B3GLCT: variants seen among roughly 807,000 people sequenced by gnomAD.
B3GLCT encodes beta 3-glucosyltransferase, also known as beta-1,3-glucosyltransferase.
Under a neutral mutation model 63.4 loss-of-function variants are expected in B3GLCT, and 65 were observed. That is an observed-to-expected ratio of 1.03 (90% CI 0.84 to 1.26). The LOEUF is 1.26. B3GLCT is among the 50% of genes most tolerant of loss of function. The pLI is 0.00. For synonymous variants in B3GLCT, 233 were observed against 219.2 expected, an observed-to-expected ratio of 1.06 and a Z score of -0.55; for missense variants, 577 against 604.8, an observed-to-expected ratio of 0.95 and a Z score of 0.48.
chr13:31,287,677 A>G (rs1873400959), intron 12 of B3GLCT, among the ~76,000 whole-genome samples: 1 of 152,140 alleles, frequency 6.6e-6, no homozygotes, highest in South Asian at 2.1e-4. Context: ...GTGAAAAAAA[A>G]TTAGCTTATT....
Position 31,269,542 on chromosome 13 carries a change from A to G in B3GLCT, c.660+265A>G, listed in dbSNP as rs1215605053. Among the ~76,000 whole-genome samples the G allele has an allele frequency of 3.9e-5, 6 of 152,300 alleles. No homozygotes were observed. In the South Asian group the frequency reaches 8.3e-4, roughly 21 times the overall value. On this transcript the variant is annotated intron_variant, in intron 8 of 14. Transcript: ENST00000343307. ...AAGCTAGATGAATGGGTCCAGAGGT[A>G]GATTTCTAAAAAAATGCAAAAATGT...
chr13:31,318,719 A>AT (rs146169340), intron 13 of B3GLCT, among the ~76,000 whole-genome samples: 4,087 of 152,266 alleles, frequency 0.027, 194 homozygotes, highest in African/African-American at 0.093. Context: ...CCTTACTGTA[A>AT]TGCATCGGGC....
intron 14 of B3GLCT, among the ~76,000 whole-genome samples, chr13:31,326,628 G>A (rs1334580257): frequency 6.6e-6 from 1 of 152,032 alleles, no homozygotes; most frequent in African/African-American, 2.4e-5. Flanking sequence ...CCTGTATGCA[G>A]ATGCCTACCA....
intron 14 of B3GLCT, among the ~76,000 whole-genome samples, chr13:31,326,700 C>T (rs532532639): frequency 6.6e-6 from 1 of 152,250 alleles, no homozygotes; most frequent in Admixed American, 6.5e-5. Flanking sequence ...GGGATTTCCT[C>T]TTGACATTTT....
intron 3 of B3GLCT, 128 bp downstream of exon 3, chr13:31,223,119 T>G: frequency 2.9e-6 from 2 of 700,970 alleles, no homozygotes; most frequent in Non-Finnish European, 5.0e-6. Context: ...TATTCTGTCT[T>G]TGGCCCAGCC....
intron 4 of B3GLCT, 64 bp from the exon 5 acceptor site, chr13:31,246,959 T>TC (rs1448772161): frequency 1.9e-6 from 2 of 1,065,308 alleles, no homozygotes; most frequent in Non-Finnish European, 2.7e-6. Context: ...TTCTTTTTTT[T>TC]TTTTTTTACT....
At chr13:31,290,330 G>C (rs1873592922) in intron 12 of B3GLCT, among the ~76,000 whole-genome samples, 1 of 152,180 alleles carries the variant, frequency 6.6e-6, no homozygotes, top group Non-Finnish European at 1.5e-5. Context: ...AAACATGTGT[G>C]CATGTGTCTT....
At position 31,228,779 on chromosome 13, in the gene B3GLCT, T is replaced by C. The variant is rs1242349213; in HGVS notation, c.161-406T>C. 2.0e-5 allele frequency among the ~76,000 whole-genome samples: 3 copies of C among 152,356 alleles called. No individual in the cohort carries two copies. The East Asian group carries it at 5.8e-4, about 29-fold the overall frequency. On this transcript the variant is annotated intron_variant, in intron 3 of 14. Transcript: ENST00000343307. ...AAATATGAATTTTAGAGGACATGTT[T>C]CAACTCATAACAGGTAGCAGCACAG...
rs113489803 is a variant in B3GLCT at position 31,284,751 on chromosome 13, T to C, written c.954T>C (p.Asn318=). The change falls in exon 11 of 15, where the codon AAT becomes AAC. Residue 318 remains asparagine, a synonymous_variant. Transcript: ENST00000343307. ...CTACTGTGGATTTGGGAATTCCTAA[T>C]ACAGATAGAGGTGAGTCATAATTCT... ...SIPTVDLGIP[N]TDRGHCGKTF... 84 of 1,530,892 alleles carry C rather than the reference T, an allele frequency of 5.5e-5. No homozygotes were observed. The African/African-American group carries it at 9.5e-4, about 17-fold the overall frequency. 94.8% of individuals were successfully genotyped at this position (1,530,892 alleles called of 1,614,324 possible). A position where few individuals can be genotyped will look rare whatever the true frequency, so the allele number is the denominator to read the frequency against.
chr13:31,200,821 T>G (rs888017076), intron 1 of B3GLCT, among the ~76,000 whole-genome samples: 2 of 151,904 alleles, frequency 1.3e-5, no homozygotes, highest in Admixed American at 1.3e-4. Flanking sequence ...CCGCTGGGCC[T>G]CCGCGGGAGC....
intron 2 of B3GLCT, among the ~76,000 whole-genome samples, chr13:31,219,813 A>C (rs7335297): frequency 0.092 from 13,937 of 152,254 alleles, 1,612 homozygotes; most frequent in East Asian, 0.45. Flanking sequence ...TACCTGAACA[A>C]ATCAAAGTAA....
chr13:31,316,672 C>T (rs528902161), intron 12 of B3GLCT, among the ~76,000 whole-genome samples: 1 of 151,656 alleles, frequency 6.6e-6, no homozygotes, highest in Non-Finnish European at 1.5e-5. Context: ...ATTTTGCAGG[C>T]TTATAGGTGG....
At chr13:31,204,294 G>GA (rs1868828349) in intron 1 of B3GLCT, among the ~76,000 whole-genome samples, 1 of 152,190 alleles carries the variant, frequency 6.6e-6, no homozygotes, top group Non-Finnish European at 1.5e-5. Context: ...GGGTGCTACT[G>GA]ACATCTAGAG....
chr13:31,293,151 T>C (rs1873764639), intron 12 of B3GLCT, among the ~76,000 whole-genome samples: 1 of 152,246 alleles, frequency 6.6e-6, no homozygotes, highest in Non-Finnish European at 1.5e-5. Flanking sequence ...CTAATTTGAT[T>C]TCACTGTAGT....
At chr13:31,259,460 C>A (rs559018163) in intron 6 of B3GLCT, among the ~76,000 whole-genome samples, 1 of 152,026 alleles carries the variant, frequency 6.6e-6, no homozygotes, top group Admixed American at 6.6e-5. Context: ...TGAACTCCAA[C>A]CTTGATCTCC....
chr13:31,208,418 A>G (rs1869079904), intron 1 of B3GLCT, among the ~76,000 whole-genome samples: 1 of 152,070 alleles, frequency 6.6e-6, no homozygotes, highest in East Asian at 1.9e-4. Context: ...TATTGCACGC[A>G]CACCCCTGTG....
chr13:31,265,165 C>T lies in B3GLCT; in HGVS notation c.597-4049C>T, dbSNP rs143657401. ...CTAATCTCCAGACTATTAACAGTTG[C>T]GCAGGAATTTCATTGATTATTAGAA... On this transcript the variant is annotated intron_variant, in intron 7 of 14. Transcript: ENST00000343307. 2.8e-3 allele frequency among the ~76,000 whole-genome samples: 429 copies of T among 152,252 alleles called. 3 individuals are homozygous for T. The highest frequency in any genetic ancestry group is 0.014 in the Middle Eastern group (4 of 294).
At chr13:31,305,257 C>A (rs1874364995) in intron 12 of B3GLCT, among the ~76,000 whole-genome samples, 1 of 92,400 alleles carries the variant, frequency 1.1e-5, no homozygotes, top group East Asian at 3.7e-4. Context: ...CCTAACATCA[C>A]AATTAAAAGA....
At chr13:31,316,407 T>TTATATATACATATATATATATATATATA (rs1555255280) in intron 12 of B3GLCT, among the ~76,000 whole-genome samples, 4 of 40,866 alleles carry the variant, frequency 9.8e-5, no homozygotes, top group African/African-American at 2.6e-4. Flanking sequence ...TTTGGAGGTT[T>TTATATATACATATATATATATATATATA]TATATATATA....
Sources: allele counts gnomAD v4.1 joint callset (sites outside exome capture counted in the v4.1 genomes callset), GRCh38; gene constraint gnomAD v4.1.1; transcripts MANE v1.5; gene names NCBI Gene and HGNC (gene_info 2026-07-23, HGNC 2026-07-21).